Variants in CDKL4 observed in about 807,000 individuals in gnomAD.
The protein encoded by CDKL4 is cyclin-dependent kinase-like 4.
In CDKL4, 44 loss-of-function variants were observed where a neutral mutation model predicts 42.0. The observed-to-expected ratio is 1.05, with a 90% confidence interval of 0.82 to 1.35. The LOEUF (loss-of-function observed/expected upper bound fraction) is 1.35, where lower values mean the gene tolerates loss of function less well. Ranked by LOEUF, CDKL4 falls within the 40% of genes most tolerant of loss-of-function variation. The pLI, the probability that CDKL4 is intolerant of heterozygous loss-of-function variation, is 0.00. For synonymous variants in CDKL4, 120 were observed against 121.6 expected (o/e 0.99, Z 0.09); for missense variants, 393 against 369.9 (o/e 1.06, Z -0.51).
chr2:39,221,002 T>TTTTTTTTTTTTTTTTTC (rs1678312966), intron 3 of CDKL4, among the ~76,000 whole-genome samples: 1 of 68,582 alleles, frequency 1.5e-5, no homozygotes, highest in Non-Finnish European at 2.9e-5. Context: ...TTTTTTTTTG[T>TTTTTTTTTTTTTTTTTC]TTTTTTTTTT....
downstream of CDKL4, among the ~76,000 whole-genome samples, chr2:39,170,653 C>T (rs541948401): frequency 3.9e-5 from 6 of 151,948 alleles, no homozygotes; most frequent in East Asian, 5.8e-4. Flanking sequence ...GACGGGGTTT[C>T]GCCATGTTGG....
At chr2:39,220,986 TTTTTTTTTTTTTTTGTTTTTTTTTTTG>T (rs1678295996) in intron 3 of CDKL4, among the ~76,000 whole-genome samples, 1 of 44,206 alleles carries the variant, frequency 2.3e-5, no homozygotes, top group Non-Finnish European at 1.1e-4. Context: ...CTTTTTTTTT[TTTTTTTTTTTTTTTGTTTTTTTTTTTG>T]TTTTGTTTTT....
intron 4 of CDKL4, among the ~76,000 whole-genome samples, chr2:39,207,138 C>A (rs764457655): frequency 2.0e-5 from 3 of 152,168 alleles, no homozygotes; most frequent in Admixed American, 1.3e-4. Flanking sequence ...GTAATACTTG[C>A]GCTTTGGGAG....
Position 39,235,003 on chromosome 2 carries a change from C to G in CDKL4, c.-56-5415G>C, listed in dbSNP as rs1679291565. On this transcript the variant is annotated intron_variant, in intron 1 of 9. Coordinates refer to ENST00000451199, the Ensembl canonical transcript of CDKL4. ...TCCCAAGCTCAAGCAATCCTCTCAC[C>G]TTAGCCTCCCAAGTAGCTGGGACCA... Among the ~76,000 whole-genome samples the G allele has an allele frequency of 2.6e-5, 4 of 151,968 alleles. No individual in the cohort carries two copies. The South Asian group carries it at 8.3e-4, about 32-fold the overall frequency.
At chr2:39,196,630 C>T (rs146799980) in intron 5 of CDKL4, among the ~76,000 whole-genome samples, 2,574 of 151,734 alleles carry the variant, frequency 0.017, 75 homozygotes, top group African/African-American at 0.056. Context: ...TTTTTTGAGA[C>T]GGAGTCTTGC....
At chr2:39,243,371 A>T (rs1679759479) in intron 1 of CDKL4, among the ~76,000 whole-genome samples, 1 of 152,208 alleles carries the variant, frequency 6.6e-6, no homozygotes, top group African/African-American at 2.4e-5. Context: ...CCTGTTTATA[A>T]ACCTGTCCAG....
chr2:39,171,729 ACT>A (rs1388729491), downstream of CDKL4, among the ~76,000 whole-genome samples: 1 of 152,150 alleles, frequency 6.6e-6, no homozygotes, highest in Non-Finnish European at 1.5e-5. Flanking sequence ...CTGTTTGGAG[ACT>A]CTAAGATACG....
At chr2:39,191,461 A>G (rs1676179781) in intron 5 of CDKL4, among the ~76,000 whole-genome samples, 1 of 152,314 alleles carries the variant, frequency 6.6e-6, no homozygotes, top group South Asian at 2.1e-4. Flanking sequence ...CTTTAGAGGG[A>G]ATGTGGCCCT....
chr2:39,179,205 T>C, exon 9 of CDKL4: 1 of 1,609,348 alleles, frequency 6.2e-7, no homozygotes, highest in East Asian at 2.2e-5. Flanking sequence ...GTCTTCTGTT[T>C]CTTCCTTCAT....
Position 39,238,106 on chromosome 2 carries a change from C to G in CDKL4, c.-57+5765G>C, listed in dbSNP as rs367595456. Among the ~76,000 whole-genome samples the G allele has an allele frequency of 3.3e-5, 5 of 152,288 alleles. No homozygotes were observed. The East Asian group carries it at 7.7e-4, about 23-fold the overall frequency. On this transcript the variant is annotated intron_variant, in intron 1 of 9. Transcript: ENST00000451199. ...CATGTTCATGGATTTGAAAACCCAGCAAGATATCAGCTTTTCATAAATTCA... is the reference window on the plus strand; with the variant it reads ...CATGTTCATGGATTTGAAAACCCAGGAAGATATCAGCTTTTCATAAATTCA...
At chr2:39,168,953 C>T in the CDKL4 span, among the ~76,000 whole-genome samples, 1 of 152,010 alleles carries the variant, frequency 6.6e-6, no homozygotes, top group Non-Finnish European at 1.5e-5. Flanking sequence ...GACGGGGTTT[C>T]ACCATGTTGG....
chr2:39,223,382 C>G (rs968194226), intron 3 of CDKL4, among the ~76,000 whole-genome samples: 2 of 151,996 alleles, frequency 1.3e-5, no homozygotes, highest in South Asian at 2.1e-4. Context: ...CCAAATTGCC[C>G]TCCTAATGGC....
chr2:39,219,935 G>A (rs1678197602), intron 3 of CDKL4, among the ~76,000 whole-genome samples: 1 of 152,130 alleles, frequency 6.6e-6, no homozygotes, highest in Admixed American at 6.6e-5. Context: ...GGCACAGTTA[G>A]GACGTCAGGC....
intron 3 of CDKL4, among the ~76,000 whole-genome samples, chr2:39,223,039 T>C (rs1464992507): frequency 6.6e-6 from 1 of 152,166 alleles, no homozygotes; most frequent in Admixed American, 6.5e-5. Flanking sequence ...AAATTTTCAA[T>C]TATACTTAAC....
chr2:39,224,498 A>T (rs898823107), intron 3 of CDKL4, among the ~76,000 whole-genome samples: 25 of 132,614 alleles, frequency 1.9e-4, no homozygotes, highest in African/African-American at 8.5e-5. Context: ...TTCTCCACTA[A>T]TTTTTTTTTT....
chr2:39,211,577 T>C (rs1174940957), intron 4 of CDKL4, among the ~76,000 whole-genome samples: 1 of 152,110 alleles, frequency 6.6e-6, no homozygotes, highest in Non-Finnish European at 1.5e-5. Context: ...TGCTAAGATA[T>C]CATCTCATCA....
chr2:39,169,331 T>C, the CDKL4 span, among the ~76,000 whole-genome samples: 2 of 152,148 alleles, frequency 1.3e-5, no homozygotes, highest in South Asian at 4.1e-4. Context: ...ATTTAACCTG[T>C]GTTAGATGGT....
intron 8 of CDKL4, among the ~76,000 whole-genome samples, chr2:39,179,554 C>A (rs1038939566): frequency 6.6e-6 from 1 of 152,224 alleles, no homozygotes; most frequent in Non-Finnish European, 1.5e-5. Context: ...AAGAGGCCAC[C>A]TGTAGATCTG....
chr2:39,206,116 C>T (rs892517894), intron 4 of CDKL4, among the ~76,000 whole-genome samples: 6 of 151,900 alleles, frequency 3.9e-5, no homozygotes, highest in Middle Eastern at 3.4e-3. Context: ...CTCAGTGGCG[C>T]GATCTCGGCT....
Sources: allele counts gnomAD v4.1 joint callset (sites outside exome capture counted in the v4.1 genomes callset), GRCh38; gene constraint gnomAD v4.1.1; transcripts MANE v1.5; gene names NCBI Gene and HGNC (gene_info 2026-07-23, HGNC 2026-07-21).